The following COQ8A variants were observed in gnomAD, a reference collection of about 807,000 sequenced individuals.
COQ8A encodes atypical kinase COQ8A, mitochondrial.
In COQ8A, 51 loss-of-function variants were observed where a neutral mutation model predicts 65.0. That is an observed-to-expected ratio of 0.78 (90% CI 0.63 to 0.99). The LOEUF is 0.99. Ranked by LOEUF, COQ8A falls within the 50% of genes least tolerant of loss-of-function variation. The probability of loss-of-function intolerance (pLI) is 0.00; values close to 1 mark genes in which losing one functional copy is unlikely to be tolerated. For missense variants in COQ8A, 940 were observed against 875.0 expected (o/e 1.07, Z -0.94); for synonymous variants, 371 against 353.2 (o/e 1.05, Z -0.57).
At position 226,983,855 on chromosome 1, in the gene COQ8A, G is replaced by C. The variant is rs749258013; in HGVS notation, c.1256+1G>C. The C allele has an allele frequency of 1.2e-6, 2 of 1,608,512 alleles. No individual in the cohort carries two copies. Among genetic ancestry groups the C allele is most frequent in the South Asian group, 1.1e-5 (1 of 90,882 alleles). On this transcript the variant is annotated splice_donor_variant, in intron 10 of 14. Coordinates refer to ENST00000366777, the MANE Select transcript of COQ8A (RefSeq NM_020247.5). LOFTEE classifies it high-confidence loss of function. ...AGGCCGCCTGTGCCCGCAAGTTCAG[G>C]TGTGGCCCCCGGCCGGGCCCCTTGC...
intron 1 of COQ8A, 74 bp from the exon 2 acceptor site, chr1:226,961,303 G>A (rs879820712): frequency 4.7e-6 from 7 of 1,498,056 alleles, no homozygotes; most frequent in Non-Finnish European, 5.6e-6. Flanking sequence ...CTCAGAGTTT[G>A]GTGTGGAGTT....
rs2148128001 is a variant in COQ8A, at chr1:226,982,997, G to A, written c.1043G>A (p.Arg348Gln). Residue 348 changes from arginine to glutamine, a missense_variant, in exon 8 of 15, where the codon CGA becomes CAA. Transcript: ENST00000366777. ...TCCATTGGGCAGGTGCACTTGGCCC[G>A]AATGAAGGGCGGCCGCGAGGTGGCC... Reference protein sequence around the residue: ...AASIGQVHLARMKGGREVAMK... With the variant: ...AASIGQVHLAQMKGGREVAMK... The A allele has an allele frequency of 6.3e-6, 10 of 1,598,448 alleles. No homozygotes were observed. The highest frequency in any genetic ancestry group is 1.7e-4 in the Middle Eastern group (1 of 5,752).
chr1:226,979,874 G>A (rs1178799098), intron 5 of COQ8A, among the ~76,000 whole-genome samples: 1 of 152,196 alleles, frequency 6.6e-6, no homozygotes, highest in Non-Finnish European at 1.5e-5. Context: ...TCTCTGGAAG[G>A]AGAAGCCAGC....
chr1:226,959,795 G>A (rs1558186541), intron 1 of COQ8A, among the ~76,000 whole-genome samples: 3 of 152,366 alleles, frequency 2.0e-5, no homozygotes, highest in East Asian at 3.9e-4. Flanking sequence ...GCACCAGTTG[G>A]GAGTTCACTG....
At chr1:226,960,412 C>CTTGGTGGTGATGGTACTTGGTGGT (rs1658142825) in intron 1 of COQ8A, among the ~76,000 whole-genome samples, 2 of 6,318 alleles carry the variant, frequency 3.2e-4, no homozygotes, top group African/African-American at 7.7e-4. Context: ...TTGGTGGTGG[C>CTTGGTGGTGATGGTACTTGGTGGT]GGTGGTACTT....
At position 226,984,920 on chromosome 1, in the gene COQ8A, C is replaced by T. The variant is rs1324207494; in HGVS notation, c.1551C>T (p.Ser517=). 1 of 1,614,110 alleles carries T rather than the reference C, an allele frequency of 6.2e-7. No homozygotes were observed. Among genetic ancestry groups the T allele is most frequent in the Non-Finnish European group, 8.5e-7 (1 of 1,180,008 alleles). The change falls in exon 13 of 15, where the codon TCC becomes TCT. Residue 517 remains serine (S), a synonymous_variant. Transcript: ENST00000366777. The part of the protein sequence containing the change: ...DFGATREYDR[S]FTDLYIQIIR... ...GGGCAACGCGGGAATATGACAGATC[C>T]TTCACCGACCTCTACATTCAGGTAA...
Position 226,984,152 on chromosome 1 carries a change from A to G in COQ8A, c.1315A>G (p.Ser439Gly). ...YVPEIVDELC[S>G]PHVLTTELVS... Reference sequence around the variant, plus strand: ...GCCTGAGATTGTGGATGAGCTCTGCAGCCCACATGTGCTGACCACAGAGCT... The same window carrying G: ...GCCTGAGATTGTGGATGAGCTCTGCGGCCCACATGTGCTGACCACAGAGCT... Residue 439 changes from serine to glycine, a missense_variant, in exon 11 of 15, where the codon AGC becomes GGC. Transcript: ENST00000366777. 4 of 1,613,884 alleles carry G rather than the reference A, an allele frequency of 2.5e-6. No individual in the cohort carries two copies. Among genetic ancestry groups the G allele is most frequent in the Non-Finnish European group, 3.4e-6 (4 of 1,179,990 alleles).
Position 226,949,189 on chromosome 1 carries a change from C to T in COQ8A, c.-10+8790C>T, listed in dbSNP as rs757454667. 5.3e-5 allele frequency among the ~76,000 whole-genome samples: 8 copies of T among 151,736 alleles called. No individual in the cohort carries two copies. Among genetic ancestry groups the T allele is most frequent in the South Asian group, 4.2e-4 (2 of 4,738 alleles). On this transcript the variant is annotated intron_variant, in intron 1 of 14. Coordinates refer to ENST00000366777, the MANE Select transcript of COQ8A (RefSeq NM_020247.5). The surrounding 1 kb of genome is among the most constrained non-coding windows in gnomAD (Gnocchi z 4.0). ...GTGGAGTGCGCTCACATGGCTCGCG[C>T]GTAGCTGGAGGCTGGAAAGGAGGCC...
intron 11 of COQ8A, 137 bp downstream of exon 11, chr1:226,984,372 G>A (rs1659938176): frequency 7.3e-7 from 1 of 1,372,888 alleles, no homozygotes; most frequent in East Asian, 2.4e-5. Context: ...AGCACCAGTG[G>A]GACTTAGGGG....
At position 226,972,082 on chromosome 1, in the gene COQ8A, T is replaced by C. The variant is rs1658941116; in HGVS notation, c.656-5367T>C. ...TTGCAGGTTTAGAGGAGATGACTTA[T>C]CTCCTCTGTACCTATACATTGAGAA... On this transcript the variant is annotated intron_variant, in intron 4 of 14. Transcript: ENST00000366777. The surrounding 1 kb of genome is among the most constrained non-coding windows in gnomAD (Gnocchi z 4.3). Among the ~76,000 whole-genome samples, 1 of 152,186 alleles carries C rather than the reference T, an allele frequency of 6.6e-6. No homozygotes were observed. Among genetic ancestry groups the C allele is most frequent in the Non-Finnish European group, 1.5e-5 (1 of 68,042 alleles).
chr1:226,965,621 G>T (rs910962267), intron 3 of COQ8A, 50 bp from the exon 4 acceptor site: 9 of 1,601,974 alleles, frequency 5.6e-6, no homozygotes, highest in Non-Finnish European at 7.7e-6. Flanking sequence ...CTGAAGGTTG[G>T]TCCTGTCCCC....
chr1:226,943,257 A>G (rs1411512020), intron 1 of COQ8A, among the ~76,000 whole-genome samples: 1 of 152,256 alleles, frequency 6.6e-6, no homozygotes, highest in Non-Finnish European at 1.5e-5. Flanking sequence ...CCGTTGAAAC[A>G]AGAGCTGTGT....
At chr1:226,986,385 G>A in intron 14 of COQ8A, 68 bp from the exon 15 acceptor site, 1 of 1,565,206 alleles carries the variant, frequency 6.4e-7, no homozygotes, top group Non-Finnish European at 8.7e-7. Context: ...CGGGCACTGT[G>A]GGAGGAACCC....
intron 14 of COQ8A, 108 bp downstream of exon 14, chr1:226,985,448 A>G (rs1440422362): frequency 7.9e-7 from 1 of 1,270,114 alleles, no homozygotes; most frequent in Non-Finnish European, 1.1e-6. Flanking sequence ...GGGCCCCCAG[A>G]GCCCGGGCCT....
At chr1:226,970,389 C>T (rs1057280263) in intron 4 of COQ8A, among the ~76,000 whole-genome samples, 1 of 152,234 alleles carries the variant, frequency 6.6e-6, no homozygotes, top group Admixed American at 6.5e-5. Context: ...TATGGCATAG[C>T]CTGTTGCTCC....
At chr1:226,982,629 G>A (rs375154619) in intron 6 of COQ8A, 49 bp from the exon 7 acceptor site, 128 of 1,592,540 alleles carry the variant, frequency 8.0e-5, no homozygotes, top group Non-Finnish European at 9.3e-5. Flanking sequence ...GGTCCTGGGC[G>A]CACACTTTAA....
intron 2 of COQ8A, among the ~76,000 whole-genome samples, chr1:226,963,808 T>C (rs1474060232): frequency 6.6e-6 from 1 of 152,206 alleles, no homozygotes; most frequent in Non-Finnish European, 1.5e-5. Context: ...TTTCGCCATG[T>C]TGGCCAGGCT....
Position 226,983,821 on chromosome 1 carries a change from A to G in COQ8A, c.1223A>G (p.Tyr408Cys). 6.2e-7 allele frequency: 1 copy of G among 1,611,828 alleles called. No homozygotes were observed. Among genetic ancestry groups the G allele is most frequent in the Non-Finnish European group, 8.5e-7 (1 of 1,179,944 alleles). The stretch of plus-strand genomic sequence containing the variant: ...CGGGAGCTGGCCCTGGAGTGTGACT[A>G]CCAGCGAGAGGCCGCCTGTGCCCGC... The part of the protein sequence containing the change: ...LRRELALECD[Y>C]QREAACARKF... The change falls in exon 10 of 15, where the codon TAC (tyrosine) becomes TGC (cysteine). Residue 408 changes from tyrosine to cysteine, a missense_variant. Tyr to Cys is a radical substitution (Grantham distance 194). Coordinates refer to ENST00000366777, the MANE Select transcript of COQ8A (RefSeq NM_020247.5).
At chr1:226,977,203 G>A (rs539014771) in intron 4 of COQ8A, among the ~76,000 whole-genome samples, 1 of 152,306 alleles carries the variant, frequency 6.6e-6, no homozygotes, top group South Asian at 2.1e-4. Flanking sequence ...ATTATCAAAG[G>A]TGATGGTGTG....
Sources: allele counts gnomAD v4.1 joint callset (sites outside exome capture counted in the v4.1 genomes callset), GRCh38; gene constraint gnomAD v4.1.1; non-coding constraint Gnocchi (gnomAD v3.1); transcripts MANE v1.5; gene names NCBI Gene and HGNC (gene_info 2026-07-23, HGNC 2026-07-21).